CCDC148: variants seen among roughly 807,000 people sequenced by gnomAD.
CCDC148 encodes coiled-coil domain-containing protein 148.
Under a neutral mutation model 85.7 loss-of-function variants are expected in CCDC148, and 89 were observed. The observed-to-expected ratio is 1.04, with a 90% CI of 0.87 to 1.24. The LOEUF is 1.24. Ranked by LOEUF, CCDC148 falls within the 50% of genes most tolerant of loss-of-function variation. The pLI, the probability that CCDC148 is intolerant of heterozygous loss-of-function variation, is 0.00. For missense variants in CCDC148, 692 were observed against 671.7 expected (o/e 1.03, Z -0.33); for synonymous variants, 230 against 213.9 (o/e 1.08, Z -0.66).
At chr2:158,356,647 T>A (rs1456020368) in intron 2 of CCDC148, among the ~76,000 whole-genome samples, 3 of 146,838 alleles carry the variant, frequency 2.0e-5, no homozygotes, top group Non-Finnish European at 4.6e-5. Context: ...TGTAAACTAG[T>A]TCAACCATTG....
At chr2:158,346,159 T>C (rs911673776) in intron 2 of CCDC148, among the ~76,000 whole-genome samples, 1 of 152,200 alleles carries the variant, frequency 6.6e-6, no homozygotes, top group African/African-American at 2.4e-5. Flanking sequence ...TTCTGGCTGT[T>C]TGCCTGATCT....
intron 11 of CCDC148, among the ~76,000 whole-genome samples, chr2:158,193,642 C>T (rs77834515): frequency 0.058 from 8,876 of 152,054 alleles, 869 homozygotes; most frequent in African/African-American, 0.2. Context: ...ATGCATTCTT[C>T]TCTAGGTATA....
intron 11 of CCDC148, among the ~76,000 whole-genome samples, chr2:158,185,051 T>C (rs1052246056): frequency 2.0e-5 from 3 of 152,194 alleles, no homozygotes; most frequent in African/African-American, 7.2e-5. Flanking sequence ...AGGGCTTATT[T>C]CTGTTTGCCT....
At chr2:158,362,658 C>T (rs1473471322) in intron 1 of CCDC148, among the ~76,000 whole-genome samples, 1 of 152,168 alleles carries the variant, frequency 6.6e-6, no homozygotes, top group Admixed American at 6.5e-5. Context: ...CTCTGGGAAA[C>T]AGCTAAAGCA....
intron 11 of CCDC148, among the ~76,000 whole-genome samples, chr2:158,202,521 TC>T (rs1373657549): frequency 6.6e-6 from 1 of 152,194 alleles, no homozygotes; most frequent in African/African-American, 2.4e-5. Flanking sequence ...TCTTCCACCA[TC>T]CTGCTAGACC....
At chr2:158,388,568 C>T (rs1242793001) in intron 1 of CCDC148, among the ~76,000 whole-genome samples, 1 of 152,168 alleles carries the variant, frequency 6.6e-6, no homozygotes, top group Non-Finnish European at 1.5e-5. Flanking sequence ...AATCTTGGCT[C>T]ACTGCAACCT....
chr2:158,243,308 A>T (rs1051501807), intron 10 of CCDC148, among the ~76,000 whole-genome samples: 1 of 152,096 alleles, frequency 6.6e-6, no homozygotes, highest in Non-Finnish European at 1.5e-5. Flanking sequence ...AGGCACTTGC[A>T]TTTGAGTCGT....
chr2:158,288,754 T>C, intron 9 of CCDC148: 3 of 402,402 alleles, frequency 7.5e-6, no homozygotes, highest in South Asian at 5.6e-5. Context: ...TTTTCGGGTA[T>C]CTTTTCAGCA....
chr2:158,285,325 G>A (rs763020912), intron 9 of CCDC148, among the ~76,000 whole-genome samples: 4 of 150,822 alleles, frequency 2.7e-5, no homozygotes, highest in Admixed American at 6.6e-5. Context: ...TGAGATTAAC[G>A]GCAGATGAGA....
chr2:158,180,954 C>A (rs972621986), intron 11 of CCDC148, among the ~76,000 whole-genome samples: 4 of 152,038 alleles, frequency 2.6e-5, no homozygotes, highest in African/African-American at 9.7e-5. Flanking sequence ...CAGAATGCTC[C>A]CTTTCTCTCA....
chr2:158,300,310 T>TC (rs1367527551), intron 9 of CCDC148, among the ~76,000 whole-genome samples: 1 of 152,158 alleles, frequency 6.6e-6, no homozygotes, highest in African/African-American at 2.4e-5. Context: ...ACCTATCAGG[T>TC]CCCAAACACT....
intron 7 of CCDC148, among the ~76,000 whole-genome samples, chr2:158,330,565 A>G (rs1011915771): frequency 1.3e-5 from 2 of 152,192 alleles, no homozygotes; most frequent in Non-Finnish European, 1.5e-5. Flanking sequence ...ATTGATTGGA[A>G]TAGGTTCAGA....
rs556057503 is a variant in CCDC148 at position 158,187,516 on chromosome 2, C to A, written c.1371-8520G>T. On this transcript the variant is annotated intron_variant, in intron 11 of 13. Coordinates refer to ENST00000283233, the MANE Select transcript of CCDC148 (RefSeq NM_138803.4). ...TTCTCATTTAGTCCAAACCATCCTG[C>A]AGTCTGGCCTCTGTCCACTCCACTC... 2.1e-3 allele frequency among the ~76,000 whole-genome samples: 316 copies of A among 152,136 alleles called. 1 individual carries two copies. The highest frequency in any genetic ancestry group is 3.8e-3 in the Non-Finnish European group (256 of 67,958).
Position 158,361,511 on chromosome 2 carries a change from G to A in CCDC148, c.26-2941C>T, listed in dbSNP as rs575768020. On this transcript the variant is annotated intron_variant, in intron 1 of 13. Transcript: ENST00000283233. ...CCCTACAAGCCAGAATACAGTGGGG[G>A]CCAATATTCAACATTCTTAAAGAAA... 3.3e-5 allele frequency among the ~76,000 whole-genome samples: 5 copies of A among 152,286 alleles called. No individual in the cohort carries two copies. In the South Asian group the frequency reaches 1.0e-3, roughly 32 times the overall value.
rs549818724 is a variant in CCDC148 at position 158,265,660 on chromosome 2, T to G, written c.1111-14748A>C. Among the ~76,000 whole-genome samples, 15 of 152,276 alleles carry G rather than the reference T, an allele frequency of 9.9e-5. No individual in the cohort carries two copies. The South Asian group carries it at 2.3e-3, about 23-fold the overall frequency. On this transcript the variant is annotated intron_variant, in intron 9 of 13. Coordinates refer to ENST00000283233, the MANE Select transcript of CCDC148 (RefSeq NM_138803.4). ...TCCACTTCCTCTTGTGTTTCCTTTT[T>G]GGTTCTTTCCTTTTCACTCAACCCA...
chr2:158,441,374 C>T (rs11683865), intron 1 of CCDC148, among the ~76,000 whole-genome samples: 52,198 of 151,842 alleles, frequency 0.34, 10,208 homozygotes, highest in Middle Eastern at 0.47. Context: ...CTGAATGAAT[C>T]GTATTTAAAA....
chr2:158,453,745 C>T (rs552314326), intron 1 of CCDC148, among the ~76,000 whole-genome samples: 6 of 152,236 alleles, frequency 3.9e-5, no homozygotes, highest in Non-Finnish European at 7.4e-5. Flanking sequence ...ACAAAGTTTT[C>T]GTAATCTTAA....
chr2:158,184,468 T>C (rs2105266714), intron 11 of CCDC148, among the ~76,000 whole-genome samples: 1 of 152,294 alleles, frequency 6.6e-6, no homozygotes, highest in Non-Finnish European at 1.5e-5. Flanking sequence ...CTCTGTTGAG[T>C]TTACATAATT....
chr2:158,187,449 T>G (rs1685207707), intron 11 of CCDC148, among the ~76,000 whole-genome samples: 1 of 151,938 alleles, frequency 6.6e-6, no homozygotes, highest in Non-Finnish European at 1.5e-5. Context: ...CTGGAAAATT[T>G]CTTAACTGAG....
Sources: allele counts gnomAD v4.1 joint callset (sites outside exome capture counted in the v4.1 genomes callset), GRCh38; gene constraint gnomAD v4.1.1; transcripts MANE v1.5; gene names NCBI Gene and HGNC (gene_info 2026-07-23, HGNC 2026-07-21).